CPEB3: variants seen among roughly 807,000 people sequenced by gnomAD.
CPEB3 encodes cytoplasmic polyadenylation element binding protein 3.
In CPEB3, 20 loss-of-function variants were observed where a neutral mutation model predicts 67.2. The ratio of observed to expected loss-of-function variants is 0.30; its 90% CI spans 0.21 to 0.43. CPEB3 has a LOEUF of 0.43. Among genes scored for constraint, CPEB3 ranks in the 20% least tolerant of loss-of-function variants. CPEB3 has a pLI of 1.00. For missense variants in CPEB3, 746 were observed against 968.6 expected (o/e 0.77, Z 3.05); for synonymous variants, 376 against 393.1 (o/e 0.96, Z 0.51).
intron 9 of CPEB3, 137 bp from the exon 10 acceptor site, chr10:92,052,576 T>C: frequency 1.4e-6 from 1 of 700,886 alleles, no homozygotes; most frequent in Non-Finnish European, 2.4e-6. Context: ...TACTGGATGG[T>C]GGTTGAGAGC....
intron 9 of CPEB3, among the ~76,000 whole-genome samples, chr10:92,058,380 T>C (rs966228885): frequency 6.6e-6 from 1 of 151,972 alleles, no homozygotes; most frequent in African/African-American, 2.4e-5. Context: ...ACCCTGTCTC[T>C]ACTAAAAAAT....
At chr10:92,201,933 T>C (rs1040642356) in intron 2 of CPEB3, among the ~76,000 whole-genome samples, 1 of 152,196 alleles carries the variant, frequency 6.6e-6, no homozygotes, top group African/African-American at 2.4e-5. Flanking sequence ...GTGTCTTATT[T>C]CTCTGCATTC....
intron 2 of CPEB3, among the ~76,000 whole-genome samples, chr10:92,218,414 A>G (rs1420985736): frequency 6.6e-6 from 1 of 152,060 alleles, no homozygotes; most frequent in Non-Finnish European, 1.5e-5. Flanking sequence ...CTCAAAACAA[A>G]CAAACAGACA....
rs1852185154 is a variant in CPEB3 at position 92,048,751 on chromosome 10, AATAC to A, written c.*3457_*3460del. The A allele has an allele frequency of 6.5e-6, 1 of 152,680 alleles. No individual in the cohort carries two copies. Among genetic ancestry groups the A allele is most frequent in the East Asian group, 1.9e-4 (1 of 5,204 alleles). The allele number at this position is 152,680 out of a possible 1,614,324, so 9.5% of individuals were successfully genotyped here. ...CTATTGTAAACCACATCAGCAAGTT[AATAC>A]ATAAAGCTTTGCATTTCAAAAAACT... On this transcript the variant is annotated 3_prime_UTR_variant, in exon 10 of 10. Coordinates refer to ENST00000265997, the MANE Select transcript of CPEB3 (RefSeq NM_014912.5). The surrounding 1 kb of genome is among the most constrained non-coding windows in gnomAD (Gnocchi z 4.1).
At chr10:92,068,650 A>G (rs569603385) in intron 9 of CPEB3, among the ~76,000 whole-genome samples, 5 of 152,202 alleles carry the variant, frequency 3.3e-5, no homozygotes, top group Non-Finnish European at 7.3e-5. Flanking sequence ...GAATATTTAA[A>G]TCACTGTAAA....
intron 3 of CPEB3, among the ~76,000 whole-genome samples, chr10:92,181,327 T>C (rs536756297): frequency 6.8e-6 from 1 of 146,930 alleles, no homozygotes; most frequent in African/African-American, 2.5e-5. Flanking sequence ...TTAAACATTT[T>C]ATTTAAACAA....
At chr10:92,234,406 C>T (rs1418339178) in intron 2 of CPEB3, among the ~76,000 whole-genome samples, 1 of 152,086 alleles carries the variant, frequency 6.6e-6, no homozygotes, top group Non-Finnish European at 1.5e-5. Flanking sequence ...TTCTGCATTT[C>T]TACAAATACA....
intron 1 of CPEB3, among the ~76,000 whole-genome samples, chr10:92,279,067 G>A (rs114874017): frequency 3.6e-3 from 542 of 152,084 alleles, no homozygotes; most frequent in African/African-American, 0.012. Context: ...AGAACCTCCA[G>A]TACAACGTTG....
chr10:92,084,271 G>A (rs1843281224), intron 8 of CPEB3, among the ~76,000 whole-genome samples: 1 of 151,926 alleles, frequency 6.6e-6, no homozygotes, highest in African/African-American at 2.4e-5. Context: ...CACATTCCAA[G>A]GATTAGATCG....
chr10:92,070,640 G>C (rs1002439665), intron 9 of CPEB3, among the ~76,000 whole-genome samples: 1 of 151,908 alleles, frequency 6.6e-6, no homozygotes. Context: ...AGCTGGGCTT[G>C]GTGGTGGGTG....
intron 1 of CPEB3, among the ~76,000 whole-genome samples, chr10:92,244,940 A>G (rs961885186): frequency 6.6e-6 from 1 of 152,180 alleles, no homozygotes; most frequent in Non-Finnish European, 1.5e-5. Context: ...AGGGGTTAGC[A>G]ATAAATGTCA....
In CPEB3 at chr10:92,229,365, A is replaced by G. The variant is rs147113715; in HGVS notation, c.1005+9981T>C. On this transcript the variant is annotated intron_variant, in intron 2 of 9. Coordinates refer to ENST00000265997, the MANE Select transcript of CPEB3 (RefSeq NM_014912.5). ...TTAATATTTCTAAGTGTTATTGTCA[A>G]AATTATCCTGACTCTCATTCTAGTC... Among the ~76,000 whole-genome samples, 667 of 152,220 alleles carry G rather than the reference A, an allele frequency of 4.4e-3. 5 individuals are homozygous for G. The highest frequency in any genetic ancestry group is 0.01 in the South Asian group (49 of 4,828).
chr10:92,242,145 T>C (rs1851878231), intron 1 of CPEB3, among the ~76,000 whole-genome samples: 1 of 152,264 alleles, frequency 6.6e-6, no homozygotes, highest in South Asian at 2.1e-4. Flanking sequence ...TTAGTATCTT[T>C]TATTTCAAAG....
intron 2 of CPEB3, among the ~76,000 whole-genome samples, chr10:92,194,366 G>T (rs1169593882): frequency 6.6e-6 from 1 of 151,866 alleles, no homozygotes; most frequent in Non-Finnish European, 1.5e-5. Flanking sequence ...TTGGACCCGG[G>T]AGGCAGAGGT....
At chr10:92,289,732 A>AAATATATATAT in intron 1 of CPEB3, among the ~76,000 whole-genome samples, 4 of 75,768 alleles carry the variant, frequency 5.3e-5, no homozygotes, top group African/African-American at 2.0e-4. Flanking sequence ...AAAAAAAAAA[A>AAATATATATAT]ATATATATAT....
chr10:92,172,791 AG>A (rs1312103702), intron 4 of CPEB3, among the ~76,000 whole-genome samples: 2 of 152,228 alleles, frequency 1.3e-5, no homozygotes, highest in East Asian at 3.8e-4. Context: ...TTGGTGCTCA[AG>A]AAAAGTGGAT....
In CPEB3 at chr10:92,207,175, G is replaced by T. The variant is rs531761026; in HGVS notation, c.1006-14539C>A. Among the ~76,000 whole-genome samples, 7 of 152,124 alleles carry T rather than the reference G, an allele frequency of 4.6e-5. No homozygotes were observed. The South Asian group carries it at 1.2e-3, about 27-fold the overall frequency. Reference sequence around the variant, plus strand: ...TTTTGGTATTTTTTGTAGAGACAGGGTTTTGCCATGTTGCTCAGGCTGGTC... The same window carrying T: ...TTTTGGTATTTTTTGTAGAGACAGGTTTTTGCCATGTTGCTCAGGCTGGTC... On this transcript the variant is annotated intron_variant, in intron 2 of 9. Coordinates refer to ENST00000265997, the MANE Select transcript of CPEB3 (RefSeq NM_014912.5).
intron 4 of CPEB3, among the ~76,000 whole-genome samples, chr10:92,149,528 G>C (rs1038610020): frequency 1.3e-5 from 2 of 152,188 alleles, no homozygotes; most frequent in Admixed American, 6.5e-5. Context: ...CCACAGCTCA[G>C]AGTACTTTGG....
intron 9 of CPEB3, among the ~76,000 whole-genome samples, chr10:92,053,512 C>A (rs562488964): frequency 1.3e-5 from 2 of 149,436 alleles, no homozygotes; most frequent in East Asian, 2.0e-4. Flanking sequence ...TACAGGAGTG[C>A]GCCACCACGC....
Sources: gnomAD v4.1 joint callset for allele counts (sites outside exome capture counted in the v4.1 genomes callset) on GRCh38, gnomAD v4.1.1 for gene constraint, Gnocchi (gnomAD v3.1) non-coding constraint, MANE v1.5 for transcripts, NCBI Gene and HGNC (gene_info 2026-07-23, HGNC 2026-07-21) for gene names.